SAR1A: variants seen among roughly 807,000 people sequenced by gnomAD.
SAR1A encodes the protein secretion associated Ras related GTPase 1A.
SAR1A carries 6 observed loss-of-function variants against 22.6 expected under a neutral mutation model. That is an observed-to-expected ratio of 0.27 (90% CI 0.15 to 0.52). SAR1A has a LOEUF of 0.52. Ranked by LOEUF, SAR1A falls within the 20% of genes least tolerant of loss-of-function variation. The probability of loss-of-function intolerance (pLI) is 0.96; values close to 1 mark genes in which losing one functional copy is unlikely to be tolerated. For synonymous variants in SAR1A, 70 were observed against 82.2 expected, an observed-to-expected ratio of 0.85 and a Z score of 0.80; for missense variants, 145 against 245.1, an observed-to-expected ratio of 0.59 and a Z score of 2.73.
At chr10:70,166,955 G>A (rs1589879686) in intron 1 of SAR1A, 2 of 151,988 alleles carry the variant, frequency 1.3e-5, no homozygotes. Context: ...AGCTATGATT[G>A]TGTCACTGCA....
intron 1 of SAR1A, among the ~76,000 whole-genome samples, chr10:70,168,984 T>C (rs184218863): frequency 6.6e-6 from 1 of 152,196 alleles, no homozygotes; most frequent in African/African-American, 2.4e-5. Flanking sequence ...GGCTCCTCTC[T>C]CCTTAAGATC....
chr10:70,151,020 C>A lies in SAR1A; in HGVS notation c.*1456G>T, dbSNP rs1374540640. 2.6e-5 allele frequency: 4 copies of A among 152,070 alleles called. No individual in the cohort carries two copies. The highest frequency in any genetic ancestry group is 9.7e-5 in the African/African-American group (4 of 41,402). 9.4% of individuals were successfully genotyped at this position (152,070 alleles called of 1,614,324 possible). A position where few individuals can be genotyped will look rare whatever the true frequency, so the allele number is the denominator to read the frequency against. On this transcript the variant is annotated 3_prime_UTR_variant, in exon 7 of 7. Transcript: ENST00000373241. ...GTTCATAGGAGATATATCTTTTGATCTTTTATTATAAGGGTAGAATATAGA... is the reference window on the plus strand; with the variant it reads ...GTTCATAGGAGATATATCTTTTGATATTTTATTATAAGGGTAGAATATAGA...
intron 3 of SAR1A, chr10:70,161,388 G>A: frequency 1.8e-6 from 1 of 568,848 alleles, no homozygotes; most frequent in Admixed American, 3.4e-5. Flanking sequence ...CTTAGAAGTA[G>A]GTATAGGAGA....
rs1417724524 is a variant in SAR1A at position 70,148,779 on chromosome 10, G to T, written c.*3697C>A. On this transcript the variant is annotated 3_prime_UTR_variant, in exon 7 of 7. Coordinates refer to ENST00000373241, the MANE Select transcript of SAR1A (RefSeq NM_020150.5). ...CACTCCAGCCTGGGCGACAGAGTGAGACCAACTCAAAAAACAAACAAACAA... is the reference window on the plus strand; with the variant it reads ...CACTCCAGCCTGGGCGACAGAGTGATACCAACTCAAAAAACAAACAAACAA... 2 of 150,582 alleles carry T rather than the reference G, an allele frequency of 1.3e-5. No homozygotes were observed. The highest frequency in any genetic ancestry group is 1.4e-5 in the Non-Finnish European group (1 of 69,156). The allele number at this position is 150,582 out of a possible 1,614,324, so 9.3% of individuals were successfully genotyped here. A position where few individuals can be genotyped will look rare whatever the true frequency, so the allele number is the denominator to read the frequency against.
Position 70,152,321 on chromosome 10 carries a change from C to A in SAR1A, c.*155G>T. The A allele has an allele frequency of 1.1e-6, 1 of 891,480 alleles. No individual in the cohort carries two copies. The allele number at this position is 891,480 out of a possible 1,614,324, so 55.2% of individuals were successfully genotyped here. ...ACAGTGTGGAGAAGAGCACATGTCACCACTGGGCAATGAGAGAGTTGACAG... is the reference window on the plus strand; with the variant it reads ...ACAGTGTGGAGAAGAGCACATGTCAACACTGGGCAATGAGAGAGTTGACAG... On this transcript the variant is annotated 3_prime_UTR_variant, in exon 7 of 7. Transcript: ENST00000373241.
intron 5 of SAR1A, among the ~76,000 whole-genome samples, chr10:70,156,720 AC>A (rs1839393335): frequency 6.6e-6 from 1 of 152,106 alleles, no homozygotes; most frequent in African/African-American, 2.4e-5. Context: ...AGGCAATTCT[AC>A]ATGAGGCTGG....
intron 4 of SAR1A, 78 bp downstream of exon 4, chr10:70,160,924 GAC>G (rs1839460165): frequency 2.4e-6 from 2 of 844,784 alleles, no homozygotes; most frequent in African/African-American, 3.5e-5. Context: ...AGGTAAAAAT[GAC>G]ACACTGCTTT....
In SAR1A at chr10:70,151,658, T is replaced by C. The variant is rs1839328767; in HGVS notation, c.*818A>G. On this transcript the variant is annotated 3_prime_UTR_variant, in exon 7 of 7. Transcript: ENST00000373241. ...CTGAAAACGAAAAAGGAAGGTGCTA[T>C]AGAGAGAAATTAAATTTCACAAAAG... The C allele has an allele frequency of 6.6e-6, 1 of 152,612 alleles. No individual in the cohort carries two copies. Among genetic ancestry groups the C allele is most frequent in the Non-Finnish European group, 1.5e-5 (1 of 68,040 alleles). 9.5% of individuals were successfully genotyped at this position (152,612 alleles called of 1,614,324 possible).
intron 1 of SAR1A, among the ~76,000 whole-genome samples, chr10:70,165,222 G>A (rs111967318): frequency 0.038 from 5,026 of 133,958 alleles, 105 homozygotes; most frequent in East Asian, 0.06. Context: ...CCGAGATCCC[G>A]CCACTGCACT....
chr10:70,154,994 TAA>T, intron 5 of SAR1A: 2 of 449,106 alleles, frequency 4.5e-6, no homozygotes, highest in South Asian at 3.3e-5. Flanking sequence ...ATTAGGACAA[TAA>T]TTCAGGAAGC....
chr10:70,154,246 G>A (rs780514984), intron 5 of SAR1A, among the ~76,000 whole-genome samples: 5 of 152,152 alleles, frequency 3.3e-5, no homozygotes, highest in Admixed American at 6.5e-5. Flanking sequence ...ATTAACTTTT[G>A]AGCTAATCTG....
rs532458067 is a variant in SAR1A at position 70,149,960 on chromosome 10, G to A, written c.*2516C>T. 1 of 152,208 alleles carries A rather than the reference G, an allele frequency of 6.6e-6. No individual in the cohort carries two copies. Among genetic ancestry groups the A allele is most frequent in the African/African-American group, 2.4e-5 (1 of 41,498 alleles). The allele number at this position is 152,208 out of a possible 1,614,324, so 9.4% of individuals were successfully genotyped here. ...AAACATCTGCCATCCCCATCCTGTT[G>A]CAGAGATGACCAACAACCCTGGGTC... On this transcript the variant is annotated 3_prime_UTR_variant, in exon 7 of 7. Coordinates refer to ENST00000373241, the MANE Select transcript of SAR1A (RefSeq NM_020150.5).
At position 70,149,301 on chromosome 10, in the gene SAR1A, C is replaced by CTGACCTCA. The variant is rs1271901194; in HGVS notation, c.*3167_*3174dup. 2 of 152,164 alleles carry CTGACCTCA rather than the reference C, an allele frequency of 1.3e-5. No homozygotes were observed. The highest frequency in any genetic ancestry group is 2.9e-5 in the Non-Finnish European group (2 of 68,058). The allele number at this position is 152,164 out of a possible 1,614,324, so 9.4% of individuals were successfully genotyped here. ...TGTTGGTCAGGCTGGCCTTGAACTC[C>CTGACCTCA]TGACCTCATGACCCGCCCGCCTTGG... On this transcript the variant is annotated 3_prime_UTR_variant, in exon 7 of 7. Coordinates refer to ENST00000373241, the MANE Select transcript of SAR1A (RefSeq NM_020150.5).
chr10:70,158,390 T>G (rs947833306), intron 4 of SAR1A, among the ~76,000 whole-genome samples: 1 of 152,214 alleles, frequency 6.6e-6, no homozygotes, highest in Non-Finnish European at 1.5e-5. Flanking sequence ...GACACATTCC[T>G]CTGCTCAGCC....
Position 70,161,872 on chromosome 10 carries a change from A to G in SAR1A, c.44T>C (p.Val15Ala), listed in dbSNP as rs1223427919. ...FEWIYNGFSS[V>A]LQFLGLYKKS... ...AATGGCTTTACCTAGGAACTGGAGCACACTGCTGAAGCCATTGTAGATCCA... is the reference window on the plus strand; with the variant it reads ...AATGGCTTTACCTAGGAACTGGAGCGCACTGCTGAAGCCATTGTAGATCCA... The change falls in exon 2 of 7, where the codon GTG becomes GCG. Residue 15 changes from valine (V) to alanine (A), a missense_variant. Physicochemically the swap from Val to Ala is moderately conservative, Grantham distance 64. Coordinates refer to ENST00000373241, the MANE Select transcript of SAR1A (RefSeq NM_020150.5). 1.2e-6 allele frequency: 2 copies of G among 1,613,244 alleles called. No homozygotes were observed. The highest frequency in any genetic ancestry group is 1.7e-6 in the Non-Finnish European group (2 of 1,179,912).
chr10:70,160,085 A>T (rs1406164572), intron 4 of SAR1A, among the ~76,000 whole-genome samples: 3 of 152,192 alleles, frequency 2.0e-5, no homozygotes, highest in Non-Finnish European at 2.9e-5. Flanking sequence ...TTTCCTACAT[A>T]CTTTCACTCC....
intron 1 of SAR1A, chr10:70,163,752 A>G (rs975285389): frequency 9.4e-6 from 9 of 955,068 alleles, no homozygotes; most frequent in Non-Finnish European, 1.5e-5. Flanking sequence ...TTTGACAAAG[A>G]TGGTGATGGA....
At position 70,159,196 on chromosome 10, in the gene SAR1A, T is replaced by C. The variant is rs1028648532; in HGVS notation, c.245-1329A>G. On this transcript the variant is annotated intron_variant, in intron 4 of 6. Transcript: ENST00000373241. ...TCCCTCTATCAAAACACACCCCTTG[T>C]CAATATTTTGATATTTTCTTCCAGC... Among the ~76,000 whole-genome samples the C allele has an allele frequency of 2.0e-5, 3 of 152,334 alleles. No homozygotes were observed. In the South Asian group the frequency reaches 6.2e-4, roughly 32 times the overall value.
chr10:70,155,042 A>G (rs1277228362), intron 5 of SAR1A: 2 of 509,710 alleles, frequency 3.9e-6, no homozygotes, highest in Non-Finnish European at 8.0e-6. Context: ...AAGCATTTAG[A>G]TAGACATGCA....
Sources: allele counts gnomAD v4.1 joint callset (sites outside exome capture counted in the v4.1 genomes callset), GRCh38; gene constraint gnomAD v4.1.1; transcripts MANE v1.5; gene names NCBI Gene and HGNC (gene_info 2026-07-23, HGNC 2026-07-21).